SIRPD: variants seen among roughly 807,000 people sequenced by gnomAD.
SIRPD encodes the protein signal regulatory protein delta.
A neutral mutation model predicts 18.0 loss-of-function variants in SIRPD; 21 were observed. That is an observed-to-expected ratio of 1.17 (90% CI 0.83 to 1.68). SIRPD has a LOEUF of 1.68. Among genes scored for constraint, SIRPD ranks in the 40% most tolerant of loss-of-function variants. The pLI is 0.00. For missense variants in SIRPD, 295 were observed against 238.4 expected, an observed-to-expected ratio of 1.24 and a Z score of -1.56; for synonymous variants, 106 against 92.9, an observed-to-expected ratio of 1.14 and a Z score of -0.81.
intron 1 of SIRPD, among the ~76,000 whole-genome samples, chr20:1,555,476 G>T (rs1205752222): frequency 6.6e-6 from 1 of 152,158 alleles, no homozygotes; most frequent in Non-Finnish European, 1.5e-5. Context: ...TAAAAGAGTA[G>T]ATTTTAAATG....
chr20:1,546,450 CCACTGTATGT>C (rs1459832330), intron 2 of SIRPD, among the ~76,000 whole-genome samples: 3 of 152,204 alleles, frequency 2.0e-5, no homozygotes, highest in Admixed American at 6.5e-5. Context: ...TAATAATATT[CCACTGTATGT>C]ATAGATCATA....
At position 1,543,438 on chromosome 20, in the gene SIRPD, G is replaced by T. The variant is rs188691461; in HGVS notation, c.422-6128C>A. 9.4e-3 allele frequency among the ~76,000 whole-genome samples: 1,392 copies of T among 147,414 alleles called. 22 individuals are homozygous for T. Among genetic ancestry groups the T allele is most frequent in the African/African-American group, 0.035 (1,358 of 39,352 alleles). On this transcript the variant is annotated intron_variant, in intron 2 of 3. Transcript: ENST00000381623. Reference sequence around the variant, plus strand: ...TCGCATGGAGGTGTTTATAGTATTCGCTGATGGTAGTTTGTATTTCTGTGG... The same window carrying T: ...TCGCATGGAGGTGTTTATAGTATTCTCTGATGGTAGTTTGTATTTCTGTGG...
At chr20:1,555,261 C>T (rs921450747) in intron 1 of SIRPD, among the ~76,000 whole-genome samples, 1 of 151,970 alleles carries the variant, frequency 6.6e-6, no homozygotes, top group Non-Finnish European at 1.5e-5. Flanking sequence ...TGTGGAATGT[C>T]GCTTATATGT....
intron 2 of SIRPD, among the ~76,000 whole-genome samples, chr20:1,550,695 A>G (rs1461414979): frequency 2.0e-5 from 3 of 152,170 alleles, no homozygotes; most frequent in Non-Finnish European, 2.9e-5. Flanking sequence ...CTTCACTAAT[A>G]TAGAACATAC....
rs1223773426 is a variant in SIRPD at position 1,552,003 on chromosome 20, T to A, written c.109A>T (p.Met37Leu). The A allele has an allele frequency of 6.2e-7, 1 of 1,613,824 alleles. No individual in the cohort carries two copies. The highest frequency in any genetic ancestry group is 8.5e-7 in the Non-Finnish European group (1 of 1,179,918). ...TCCCCAGTTGATACAGTCTGTGACA[T>A]CTCCGTTTGTTGCACATGGAACACA... ...THVFHVQQTE[M>L]SQTVSTGESI... The change falls in exon 2 of 4, where the codon ATG (methionine) becomes TTG (leucine). Residue 37 changes from methionine to leucine, a missense_variant. By Grantham distance (15) the Met-to-Leu change is conservative (BLOSUM62 2). Coordinates refer to ENST00000381623, the MANE Select transcript of SIRPD (RefSeq NM_178460.3).
At chr20:1,557,462 T>G (rs1192996821) in intron 1 of SIRPD, 119 bp downstream of exon 1, 7 of 864,614 alleles carry the variant, frequency 8.1e-6, no homozygotes, top group Non-Finnish European at 1.1e-5. Context: ...TTCTGCCTGT[T>G]CTGGGATAAG....
intron 3 of SIRPD, 35 bp downstream of exon 3, chr20:1,537,120 C>T (rs1387691880): frequency 1.2e-6 from 2 of 1,605,288 alleles, no homozygotes; most frequent in Non-Finnish European, 1.7e-6. Flanking sequence ...GGAGAGCATC[C>T]CTGCATCATG....
chr20:1,539,728 TC>T (rs2090962320), intron 2 of SIRPD, among the ~76,000 whole-genome samples: 1 of 152,076 alleles, frequency 6.6e-6, no homozygotes, highest in South Asian at 2.1e-4. Flanking sequence ...ATCTTCTTCT[TC>T]CCCTCTCTCC....
At chr20:1,536,880 G>A (rs963991285) in intron 3 of SIRPD, among the ~76,000 whole-genome samples, 1 of 152,134 alleles carries the variant, frequency 6.6e-6, no homozygotes, top group Non-Finnish European at 1.5e-5. Context: ...GGTGTGGGAA[G>A]TGAGAGGGAC....
chr20:1,539,083 T>C (rs1424794148), intron 2 of SIRPD, among the ~76,000 whole-genome samples: 1 of 152,226 alleles, frequency 6.6e-6, no homozygotes, highest in Non-Finnish European at 1.5e-5. Context: ...CTTTCATTAC[T>C]GGGTTTCAAT....
chr20:1,556,813 A>T (rs1032549035), intron 1 of SIRPD, among the ~76,000 whole-genome samples: 2 of 152,220 alleles, frequency 1.3e-5, no homozygotes, highest in Non-Finnish European at 2.9e-5. Flanking sequence ...CCCTGCCCAC[A>T]CTTCGATTTT....
intron 1 of SIRPD, chr20:1,554,158 C>G (rs919969588): frequency 2.0e-5 from 3 of 152,644 alleles, no homozygotes; most frequent in African/African-American, 7.2e-5. Flanking sequence ...GTTGTCCTGG[C>G]CCAATGCTCT....
chr20:1,546,347 G>T (rs933261117), intron 2 of SIRPD, among the ~76,000 whole-genome samples: 1 of 152,230 alleles, frequency 6.6e-6, no homozygotes, highest in African/African-American at 2.4e-5. Context: ...GAGAATAAGT[G>T]ACCTTTTGTG....
At chr20:1,537,033 CAAAG>C in intron 3 of SIRPD, 118 bp downstream of exon 3, 2 of 1,150,092 alleles carry the variant, frequency 1.7e-6, no homozygotes, top group South Asian at 1.5e-5. Flanking sequence ...GAAGGGGTGG[CAAAG>C]AAAGAGGCCC....
chr20:1,538,396 C>T (rs1483174999), intron 2 of SIRPD, among the ~76,000 whole-genome samples: 1 of 152,164 alleles, frequency 6.6e-6, no homozygotes, highest in African/African-American at 2.4e-5. Context: ...GTTTAGCACT[C>T]TTTGTTCTAA....
intron 2 of SIRPD, among the ~76,000 whole-genome samples, chr20:1,548,183 T>G (rs1236835958): frequency 6.6e-6 from 1 of 152,200 alleles, no homozygotes; most frequent in Non-Finnish European, 1.5e-5. Flanking sequence ...ACCATCCTCA[T>G]TAATTGTGAC....
rs759285147 is a variant in SIRPD, at chr20:1,537,320, G to A, written c.422-10C>T. 7.3e-5 allele frequency: 118 copies of A among 1,612,138 alleles called. No homozygotes were observed. Among genetic ancestry groups the A allele is most frequent in the Admixed American group, 1.2e-4 (7 of 59,734 alleles). ...GGTCTTGGATTCTGCTCTGCTGAGA[G>A]AGGCAAAACTATGTGTTCCATGATA... On this transcript the variant is annotated splice_polypyrimidine_tract_variant and intron_variant, in intron 2 of 3. Transcript: ENST00000381623.
At chr20:1,547,352 T>TA (rs1162090859) in intron 2 of SIRPD, among the ~76,000 whole-genome samples, 1 of 152,246 alleles carries the variant, frequency 6.6e-6, no homozygotes, top group African/African-American at 2.4e-5. Context: ...TCCATTGGTC[T>TA]ATAGGTCTAT....
At chr20:1,556,677 G>C (rs529579389) in intron 1 of SIRPD, among the ~76,000 whole-genome samples, 7 of 152,308 alleles carry the variant, frequency 4.6e-5, no homozygotes, top group Admixed American at 4.6e-4. Context: ...ATGGGAGTAA[G>C]ATGATGTGAG....
Sources: allele counts gnomAD v4.1 joint callset (sites outside exome capture counted in the v4.1 genomes callset), GRCh38; gene constraint gnomAD v4.1.1; transcripts MANE v1.5; gene names NCBI Gene and HGNC (gene_info 2026-07-23, HGNC 2026-07-21).